Variants in FNDC1 observed in about 807,000 individuals in gnomAD.
FNDC1 encodes fibronectin type III domain containing 1.
Under a neutral mutation model 168.0 loss-of-function variants are expected in FNDC1, and 96 were observed. The ratio of observed to expected loss-of-function variants is 0.57; its 90% confidence interval spans 0.48 to 0.68. The LOEUF (loss-of-function observed/expected upper bound fraction) is 0.68, where lower values mean the gene tolerates loss of function less well. Among genes scored for constraint, FNDC1 ranks in the 30% least tolerant of loss-of-function variants. The probability of loss-of-function intolerance (pLI) is 0.00; values close to 1 mark genes in which losing one functional copy is unlikely to be tolerated. For synonymous variants in FNDC1, 1,099 were observed against 1,025.9 expected (o/e 1.07, Z -1.36); for missense variants, 2,587 against 2,482.1 (o/e 1.04, Z -0.90).
At position 159,239,770 on chromosome 6, in the gene FNDC1, C is replaced by T. The variant is rs1303472859; in HGVS notation, c.4434C>T (p.Thr1478=). Reference sequence around the variant, plus strand: ...CTGCCACCACCCGCCGCACGACCACCACCCGCCGCACGACCACCAGGCGTC... The same window carrying T: ...CTGCCACCACCCGCCGCACGACCACTACCCGCCGCACGACCACCAGGCGTC... The part of the protein sequence containing the change: ...PTTATTRRTT[T]TRRTTTRRPT... The change falls in exon 14 of 23, where the codon ACC becomes ACT. Residue 1478 remains threonine, a synonymous_variant. Transcript: ENST00000297267. The T allele has an allele frequency of 2.0e-6, 3 of 1,520,748 alleles. No individual in the cohort carries two copies. Among genetic ancestry groups the T allele is most frequent in the South Asian group, 2.4e-5 (2 of 81,658 alleles). The allele number at this position is 1,520,748 out of a possible 1,614,324, so 94.2% of individuals were successfully genotyped here. A position where few individuals can be genotyped will look rare whatever the true frequency, so the allele number is the denominator to read the frequency against.
chr6:159,204,023 C>T (rs1782432665), intron 4 of FNDC1, among the ~76,000 whole-genome samples: 1 of 152,180 alleles, frequency 6.6e-6, no homozygotes, highest in Admixed American at 6.5e-5. Flanking sequence ...CTAAACTAGG[C>T]CTAGTACTGA....
chr6:159,234,556 T>C, intron 11 of FNDC1, 77 bp downstream of exon 11: 1 of 1,389,520 alleles, frequency 7.2e-7, no homozygotes, highest in East Asian at 2.4e-5. Flanking sequence ...GTTTTTATTC[T>C]ATTGCATTTA....
intron 1 of FNDC1, among the ~76,000 whole-genome samples, chr6:159,175,858 C>T (rs948632477): frequency 2.6e-5 from 4 of 152,222 alleles, no homozygotes; most frequent in South Asian, 4.1e-4. Flanking sequence ...CCAGAAGGCT[C>T]CCGGAAGTGC....
intron 9 of FNDC1, among the ~76,000 whole-genome samples, chr6:159,228,337 G>C (rs928242672): frequency 6.6e-6 from 1 of 152,106 alleles, no homozygotes; most frequent in Non-Finnish European, 1.5e-5. Flanking sequence ...AATATAAAAC[G>C]TAATAGAAGA....
intron 5 of FNDC1, chr6:159,218,581 G>A (rs1782754663): frequency 6.6e-6 from 1 of 152,206 alleles, no homozygotes. Context: ...TTATACCAGA[G>A]AGGCCACAGA....
chr6:159,246,184 A>C (rs549916960), intron 14 of FNDC1, among the ~76,000 whole-genome samples: 1 of 152,352 alleles, frequency 6.6e-6, no homozygotes, highest in South Asian at 2.1e-4. Flanking sequence ...AGTACAGCCC[A>C]ATCTGTAAAG....
In FNDC1 at chr6:159,251,342, G is replaced by A. The variant is rs368034028; in HGVS notation, c.4875G>A (p.Pro1625=). The change falls in exon 17 of 23, where the codon CCG becomes CCA. Residue 1625 remains proline (P), a synonymous_variant. Transcript: ENST00000297267. The part of the protein sequence containing the change: ...VTYLNKDPSA[P]CSLTDALDHF... ...ACCTAAATAAAGACCCATCAGCCCCGTGCTCTCTGACTGATGCACTGGATC... is the reference window on the plus strand; with the variant it reads ...ACCTAAATAAAGACCCATCAGCCCCATGCTCTCTGACTGATGCACTGGATC... The A allele has an allele frequency of 1.9e-6, 3 of 1,613,900 alleles. No individual in the cohort carries two copies. Among genetic ancestry groups the A allele is most frequent in the South Asian group, 2.2e-5 (2 of 91,070 alleles).
rs1265882017 is a variant in FNDC1, at chr6:159,232,572, T to A, written c.2060T>A (p.Val687Glu). The change falls in exon 11 of 23, where the codon GTG becomes GAG. Residue 687 changes from valine (V) to glutamate (E), a missense_variant. Val to Glu is a moderately radical substitution (Grantham distance 121). Transcript: ENST00000297267. The surrounding 1 kb of genome is among the most constrained non-coding windows in gnomAD (Gnocchi z 4.9). Reference protein sequence around the residue: ...PSSVLRDRSSVHPGAKPASPA... With the variant: ...PSSVLRDRSSEHPGAKPASPA... ...AGCGTTCTCCGCGACAGAAGCTCTG[T>A]GCACCCCGGCGCAAAGCCAGCCTCG... is the stretch of plus-strand genomic sequence containing the variant. 4 of 1,610,672 alleles carry A rather than the reference T, an allele frequency of 2.5e-6. No homozygotes were observed. In the East Asian group the frequency reaches 8.9e-5, roughly 36 times the overall value.
intron 1 of FNDC1, among the ~76,000 whole-genome samples, chr6:159,179,981 G>A (rs1781845885): frequency 6.6e-6 from 1 of 152,236 alleles, no homozygotes; most frequent in South Asian, 2.1e-4. Flanking sequence ...GTTGCTTTGT[G>A]TTGGAAGTCC....
Position 159,200,553 on chromosome 6 carries a change from T to C in FNDC1, c.432T>C (p.Gly144=), listed in dbSNP as rs1463240342. ...AGATTGATGGTTTTCCCATTAAGGG[T>C]CCAGGACCATTTAATGAAACCGTCA... ...WIEIDGFPIK[G]PGPFNETVTE... The change falls in exon 4 of 23, where the codon GGT becomes GGC. Residue 144 remains glycine (G), a synonymous_variant. Transcript: ENST00000297267. The C allele has an allele frequency of 6.3e-7, 1 of 1,598,678 alleles. No homozygotes were observed. The highest frequency in any genetic ancestry group is 1.3e-5 in the African/African-American group (1 of 74,888).
At chr6:159,235,056 T>C (rs551641902) in intron 11 of FNDC1, among the ~76,000 whole-genome samples, 2 of 152,360 alleles carry the variant, frequency 1.3e-5, no homozygotes, top group South Asian at 4.1e-4. Context: ...GGGTATGAAT[T>C]GCTCAGACAG....
intron 1 of FNDC1, among the ~76,000 whole-genome samples, chr6:159,195,212 A>G (rs568770209): frequency 6.6e-6 from 1 of 152,264 alleles, no homozygotes; most frequent in Admixed American, 6.5e-5. Flanking sequence ...TAAGGCTTAA[A>G]TTGTCACCAT....
chr6:159,214,890 G>T, intron 4 of FNDC1, 55 bp from the exon 5 acceptor site: 1 of 1,537,724 alleles, frequency 6.5e-7, no homozygotes, highest in Non-Finnish European at 9.0e-7. Flanking sequence ...TGTGCATGAT[G>T]GCAAACTCTA....
Position 159,232,959 on chromosome 6 carries a change from A to G in FNDC1, c.2447A>G (p.His816Arg). 1.9e-6 allele frequency: 3 copies of G among 1,611,346 alleles called. No individual in the cohort carries two copies. Among genetic ancestry groups the G allele is most frequent in the Non-Finnish European group, 2.5e-6 (3 of 1,179,516 alleles). ...CTGCGGGCCCGGCCTGCCTCTGGAC[A>G]CTTCCATTTGCTCAGACACAAACCC... ...QTLRARPASG[H>R]FHLLRHKPFA... The change falls in exon 11 of 23, where the codon CAC (histidine) becomes CGC (arginine). Residue 816 changes from histidine to arginine, a missense_variant. Physicochemically the swap from His to Arg is conservative, Grantham distance 29 (BLOSUM62 0). Transcript: ENST00000297267. This position sits in a 1 kb window ranked among gnomAD's most constrained non-coding sequence, Gnocchi z 4.9.
chr6:159,183,052 G>A (rs1167281353), intron 1 of FNDC1, among the ~76,000 whole-genome samples: 1 of 152,212 alleles, frequency 6.6e-6, no homozygotes, highest in Non-Finnish European at 1.5e-5. Context: ...GGGGATATCA[G>A]GTGTTCTGTG....
chr6:159,264,249 C>T (rs1275212966), intron 19 of FNDC1, among the ~76,000 whole-genome samples: 1 of 152,204 alleles, frequency 6.6e-6, no homozygotes, highest in East Asian at 1.9e-4. Flanking sequence ...GTCCTTGTCT[C>T]TCTAGTTTAT....
In FNDC1 at chr6:159,233,808, G is replaced by T; in HGVS notation, c.3296G>T (p.Arg1099Leu). The change falls in exon 11 of 23, where the codon CGC (arginine) becomes CTC (leucine). Residue 1099 changes from arginine to leucine, a missense_variant. Transcript: ENST00000297267. This position sits in a 1 kb window ranked among gnomAD's most constrained non-coding sequence, Gnocchi z 4.6. ...QDVRAPAHAA[R>L]AKEAAASLPK... ...GTGCGGGCCCCCGCGCACGCCGCGC[G>T]CGCCAAGGAGGCAGCTGCGTCCCTT... 6.5e-7 allele frequency: 1 copy of T among 1,537,638 alleles called. No individual in the cohort carries two copies.
In FNDC1 at chr6:159,249,064, A is replaced by T. The variant is rs1258026547; in HGVS notation, c.4716A>T (p.Pro1572=). ...ATTATGAATTTGAGACGTCAAGGCC[A>T]CCAACCACCACTGAGCCTTCGACCA... ...DEDYEFETSR[P]PTTTEPSTTA... The change falls in exon 16 of 23, where the codon CCA becomes CCT. Residue 1572 remains proline, a synonymous_variant. Coordinates refer to ENST00000297267, the MANE Select transcript of FNDC1 (RefSeq NM_032532.3). 6.2e-7 allele frequency: 1 copy of T among 1,602,322 alleles called. No individual in the cohort carries two copies. Among genetic ancestry groups the T allele is most frequent in the Non-Finnish European group, 8.5e-7 (1 of 1,174,306 alleles).
chr6:159,209,229 T>A (rs1782548723), intron 4 of FNDC1, among the ~76,000 whole-genome samples: 1 of 152,210 alleles, frequency 6.6e-6, no homozygotes, highest in Admixed American at 6.5e-5. Context: ...AAAATGAAGA[T>A]TAGGAATGAA....
Sources: gnomAD v4.1 joint callset for allele counts (sites outside exome capture counted in the v4.1 genomes callset) on GRCh38, gnomAD v4.1.1 for gene constraint, Gnocchi (gnomAD v3.1) non-coding constraint, MANE v1.5 for transcripts, NCBI Gene and HGNC (gene_info 2026-07-23, HGNC 2026-07-21) for gene names.